Variants in PARD6G observed in about 807,000 individuals in gnomAD.
The protein encoded by PARD6G is partitioning defective 6 homolog gamma.
In PARD6G, 7 loss-of-function variants were observed where a neutral mutation model predicts 10.7. The observed-to-expected ratio is 0.66, with a 90% CI of 0.37 to 1.23. The LOEUF is 1.23. Ranked by LOEUF, PARD6G falls within the 50% of genes most tolerant of loss-of-function variation. The pLI, the probability that PARD6G is intolerant of heterozygous loss-of-function variation, is 0.02. For synonymous variants in PARD6G, 287 were observed against 269.4 expected (o/e 1.07, Z -0.64); for missense variants, 548 against 571.8 (o/e 0.96, Z 0.42).
intron 1 of PARD6G, among the ~76,000 whole-genome samples, chr18:80,225,670 TA>T (rs1027833454): frequency 1.3e-5 from 2 of 152,254 alleles, no homozygotes; most frequent in African/African-American, 4.8e-5. Flanking sequence ...TGCTGTTTTT[TA>T]AAAGCATTCT....
In PARD6G at chr18:80,157,675, G is replaced by A. The variant is rs975321437; in HGVS notation, c.*2096C>T. On this transcript the variant is annotated 3_prime_UTR_variant, in exon 3 of 3. Coordinates refer to ENST00000353265, the MANE Select transcript of PARD6G (RefSeq NM_032510.4). The stretch of plus-strand genomic sequence containing the variant: ...ATCAGAGAGCAAGTCCGGGGGGTGC[G>A]GATCCTCACCGGAGAGGTCATGGGG... 2.6e-5 allele frequency: 4 copies of A among 152,126 alleles called. No homozygotes were observed. Among genetic ancestry groups the A allele is most frequent in the African/African-American group, 9.7e-5 (4 of 41,416 alleles). 9.4% of individuals were successfully genotyped at this position (152,126 alleles called of 1,614,324 possible).
intron 2 of PARD6G, chr18:80,168,962 T>C (rs1395638044): frequency 5.9e-6 from 1 of 169,282 alleles, no homozygotes; most frequent in African/African-American, 2.4e-5. Flanking sequence ...TTATTAAAAC[T>C]ATCCTGACTC....
chr18:80,187,758 A>G (rs1360094534), intron 2 of PARD6G: 1 of 152,186 alleles, frequency 6.6e-6, no homozygotes, highest in Admixed American at 6.5e-5. Flanking sequence ...AGAGATTGCC[A>G]TGGTTCTGAG....
chr18:80,226,865 G>A (rs144682416), intron 1 of PARD6G, among the ~76,000 whole-genome samples: 5 of 152,194 alleles, frequency 3.3e-5, no homozygotes, highest in Admixed American at 6.5e-5. Context: ...GCCATATTAC[G>A]AGTGGCAGGA....
At chr18:80,210,459 G>A (rs1307774715) in intron 1 of PARD6G, among the ~76,000 whole-genome samples, 3 of 152,092 alleles carry the variant, frequency 2.0e-5, no homozygotes, top group Non-Finnish European at 4.4e-5. Context: ...GCCTGGGAGG[G>A]AGCAGAACCA....
chr18:80,184,326 T>C lies in PARD6G; in HGVS notation c.295+18384A>G, dbSNP rs2052862227. 1 of 152,390 alleles carries C rather than the reference T, an allele frequency of 6.6e-6. No individual in the cohort carries two copies. The highest frequency in any genetic ancestry group is 2.1e-4 in the South Asian group (1 of 4,826). The allele number at this position is 152,390 out of a possible 1,614,324, so 9.4% of individuals were successfully genotyped here. A position where few individuals can be genotyped will look rare whatever the true frequency, so the allele number is the denominator to read the frequency against. On this transcript the variant is annotated intron_variant, in intron 2 of 2. Transcript: ENST00000353265. This position sits in a 1 kb window ranked among gnomAD's most constrained non-coding sequence, Gnocchi z 4.5. ...ATCCAGGTGACCTCACAGAAACTTGTATGTGAGCATTCGCAGCGGCATCAT... is the reference window on the plus strand; with the variant it reads ...ATCCAGGTGACCTCACAGAAACTTGCATGTGAGCATTCGCAGCGGCATCAT...
At chr18:80,174,726 G>C (rs562213505) in intron 2 of PARD6G, among the ~76,000 whole-genome samples, 1 of 151,994 alleles carries the variant, frequency 6.6e-6, no homozygotes, top group African/African-American at 2.4e-5. Context: ...AGGCCGAGGC[G>C]GGCGGATCAC....
chr18:80,211,052 A>G (rs1341991284), intron 1 of PARD6G, among the ~76,000 whole-genome samples: 3 of 152,202 alleles, frequency 2.0e-5, no homozygotes, highest in Non-Finnish European at 4.4e-5. Context: ...GTCCTTTGTG[A>G]AAGGGACCCA....
intron 2 of PARD6G, among the ~76,000 whole-genome samples, chr18:80,199,168 C>T (rs1412761270): frequency 1.3e-5 from 2 of 152,196 alleles, no homozygotes; most frequent in African/African-American, 2.4e-5. Context: ...CCATTGCTTC[C>T]GGGGGACACA....
rs1967001485 is a variant in PARD6G at position 80,200,921 on chromosome 18, C to T, written c.295+1789G>A. Among the ~76,000 whole-genome samples, 1 of 152,246 alleles carries T rather than the reference C, an allele frequency of 6.6e-6. No homozygotes were observed. Among genetic ancestry groups the T allele is most frequent in the Non-Finnish European group, 1.5e-5 (1 of 68,048 alleles). On this transcript the variant is annotated intron_variant, in intron 2 of 2. Transcript: ENST00000353265. This position sits in a 1 kb window ranked among gnomAD's most constrained non-coding sequence, Gnocchi z 4.4. ...TGCCTTCTGCTGGCCTTCACCCCAG[C>T]TCCACAGTCAGCGGGACAAAAAGAC...
rs575641130 is a variant in PARD6G, at chr18:80,190,490, T to A, written c.295+12220A>T. ...GGGCCTGGTGTGCACAGGCCCATGA[T>A]TCCACCCATGAGCGCCTGAGCACAC... On this transcript the variant is annotated intron_variant, in intron 2 of 2. Transcript: ENST00000353265. Among the ~76,000 whole-genome samples, 36 of 152,320 alleles carry A rather than the reference T, an allele frequency of 2.4e-4. No individual in the cohort carries two copies. In the South Asian group the frequency reaches 7.5e-3, roughly 32 times the overall value.
rs1365799368 is a variant in PARD6G at position 80,180,102 on chromosome 18, G to C, written c.296-19496C>G. On this transcript the variant is annotated intron_variant, in intron 2 of 2. Coordinates refer to ENST00000353265, the MANE Select transcript of PARD6G (RefSeq NM_032510.4). This position sits in a 1 kb window ranked among gnomAD's most constrained non-coding sequence, Gnocchi z 5.6. ...GAAAGGGGAAGCTGAATGTCCCGTG[G>C]AAAAGTGGCACAGAGGCCTGGCTGG... Among the ~76,000 whole-genome samples, 3 of 152,252 alleles carry C rather than the reference G, an allele frequency of 2.0e-5. No individual in the cohort carries two copies. The highest frequency in any genetic ancestry group is 4.4e-5 in the Non-Finnish European group (3 of 68,042).
chr18:80,229,014 C>T (rs1967329223), intron 1 of PARD6G, among the ~76,000 whole-genome samples: 2 of 152,166 alleles, frequency 1.3e-5, no homozygotes, highest in Non-Finnish European at 2.9e-5. Flanking sequence ...TCTTGGCTCA[C>T]CATAACCTCC....
intron 1 of PARD6G, among the ~76,000 whole-genome samples, chr18:80,241,576 G>C (rs1014864737): frequency 1.3e-5 from 2 of 152,116 alleles, no homozygotes; most frequent in African/African-American, 4.8e-5. Flanking sequence ...TATATTGGAG[G>C]GGCATTAAGT....
rs1234838216 is a variant in PARD6G, at chr18:80,200,885, A to G, written c.295+1825T>C. Among the ~76,000 whole-genome samples, 1 of 152,174 alleles carries G rather than the reference A, an allele frequency of 6.6e-6. No individual in the cohort carries two copies. The highest frequency in any genetic ancestry group is 6.5e-5 in the Admixed American group (1 of 15,280). On this transcript the variant is annotated intron_variant, in intron 2 of 2. Coordinates refer to ENST00000353265, the MANE Select transcript of PARD6G (RefSeq NM_032510.4). The surrounding 1 kb of genome is among the most constrained non-coding windows in gnomAD (Gnocchi z 4.4). The stretch of plus-strand genomic sequence containing the variant: ...GCCAAGACGCCTGGGGCCCACCTCC[A>G]AAGGGCACAGTGCCTTCTGCTGGCC...
At chr18:80,234,900 A>G (rs1352096720) in intron 1 of PARD6G, among the ~76,000 whole-genome samples, 2 of 152,190 alleles carry the variant, frequency 1.3e-5, no homozygotes, top group Non-Finnish European at 2.9e-5. Context: ...CTCCCACACA[A>G]TAATAATGGG....
intron 2 of PARD6G, among the ~76,000 whole-genome samples, chr18:80,179,750 G>C (rs2052838333): frequency 1.3e-5 from 2 of 152,234 alleles, no homozygotes; most frequent in Non-Finnish European, 2.9e-5. Flanking sequence ...CCATGCCATG[G>C]GTTCCGTGCA....
intron 1 of PARD6G, among the ~76,000 whole-genome samples, chr18:80,211,057 G>A (rs73971901): frequency 0.039 from 5,951 of 152,154 alleles, 197 homozygotes; most frequent in African/African-American, 0.094. Context: ...TTGTGAAAGG[G>A]ACCCAGTAGC....
At chr18:80,221,967 A>G (rs1290624731) in intron 1 of PARD6G, among the ~76,000 whole-genome samples, 1 of 152,264 alleles carries the variant, frequency 6.6e-6, no homozygotes, top group East Asian at 1.9e-4. Context: ...AACAGGAATA[A>G]ACAAAATAAG....
Sources: allele counts gnomAD v4.1 joint callset (sites outside exome capture counted in the v4.1 genomes callset), GRCh38; gene constraint gnomAD v4.1.1; non-coding constraint Gnocchi (gnomAD v3.1); transcripts MANE v1.5; gene names NCBI Gene and HGNC (gene_info 2026-07-23, HGNC 2026-07-21).